Variants in SYDE1 observed in about 807,000 individuals in gnomAD.
The protein encoded by SYDE1 is synapse defective Rho GTPase activating protein 1, also known as rho GTPase-activating protein SYDE1.
In SYDE1, 34 loss-of-function variants were observed where a neutral mutation model predicts 63.3. That is an observed-to-expected ratio of 0.54 (90% CI 0.41 to 0.71). SYDE1 has a LOEUF of 0.71. Ranked by LOEUF, SYDE1 falls within the 30% of genes least tolerant of loss-of-function variation. The pLI, the probability that SYDE1 is intolerant of heterozygous loss-of-function variation, is 0.00. For missense variants in SYDE1, 925 were observed against 1,042.5 expected (o/e 0.89, Z 1.55); for synonymous variants, 467 against 473.4 (o/e 0.99, Z 0.18).
chr19:15,111,415 T>TGAGG lies in SYDE1; in HGVS notation c.1393_1394insGAGG (p.Tyr465Ter), dbSNP rs1419875349. The TGAGG allele has an allele frequency of 1.2e-6, 2 of 1,613,968 alleles. No individual in the cohort carries two copies. Among genetic ancestry groups the TGAGG allele is most frequent in the African/African-American group, 2.7e-5 (2 of 74,914 alleles). On this transcript the variant is annotated stop_gained and frameshift_variant, in exon 5 of 8. Coordinates refer to ENST00000342784, the MANE Select transcript of SYDE1 (RefSeq NM_033025.6). LOFTEE classifies it high-confidence loss of function. This position sits in a 1 kb window ranked among gnomAD's most constrained non-coding sequence, Gnocchi z 5.5. ...AGCGGTCTGCCTATCTGAGGACCTGTACCCCGATATCAATGTCATCACTGG... is the reference window on the plus strand; with the variant it reads ...AGCGGTCTGCCTATCTGAGGACCTGTGAGGACCCCGATATCAATGTCATCACTGG...
chr19:15,113,720 G>T lies in SYDE1; in HGVS notation c.1965G>T (p.Trp655Cys). The T allele has an allele frequency of 6.2e-7, 1 of 1,613,692 alleles. No individual in the cohort carries two copies. The highest frequency in any genetic ancestry group is 8.5e-7 in the Non-Finnish European group (1 of 1,179,854). The change falls in exon 8 of 8, where the codon TGG becomes TGT. Residue 655 changes from tryptophan to cysteine, a missense_variant. Coordinates refer to ENST00000342784, the MANE Select transcript of SYDE1 (RefSeq NM_033025.6). ...SPPSNRYAGD[W>C]SVCGRDFLPC... is the part of the protein sequence containing the mutation. ...CGAGCAACCGCTACGCCGGCGACTGGAGCGTTTGCGGGCGGGACTTCCTGC... is the reference window on the plus strand; with the variant it reads ...CGAGCAACCGCTACGCCGGCGACTGTAGCGTTTGCGGGCGGGACTTCCTGC...
Position 15,111,166 on chromosome 19 carries a change from A to T in SYDE1, c.1291-147A>T. On this transcript the variant is annotated intron_variant, in intron 4 of 7. Transcript: ENST00000342784. This position sits in a 1 kb window ranked among gnomAD's most constrained non-coding sequence, Gnocchi z 5.5. ...GACAAGTAGTCCAAGCAGAGGGTTTACAAGGCCAGGTTGTCAAGGTAGTTC... is the reference window on the plus strand; with the variant it reads ...GACAAGTAGTCCAAGCAGAGGGTTTTCAAGGCCAGGTTGTCAAGGTAGTTC... 1 of 818,458 alleles carries T rather than the reference A, an allele frequency of 1.2e-6. No homozygotes were observed. The highest frequency in any genetic ancestry group is 1.9e-6 in the Non-Finnish European group (1 of 516,250). 50.7% of individuals were successfully genotyped at this position (818,458 alleles called of 1,614,324 possible). A position where few individuals can be genotyped will look rare whatever the true frequency, so the allele number is the denominator to read the frequency against.
Position 15,110,450 on chromosome 19 carries a change from G to A in SYDE1, c.1076-71G>A. The A allele has an allele frequency of 6.7e-7, 1 of 1,501,474 alleles. No homozygotes were observed. Among genetic ancestry groups the A allele is most frequent in the South Asian group, 1.2e-5 (1 of 80,532 alleles). The allele number at this position is 1,501,474 out of a possible 1,614,324, so 93.0% of individuals were successfully genotyped here. On this transcript the variant is annotated intron_variant, in intron 3 of 7. Transcript: ENST00000342784. This position sits in a 1 kb window ranked among gnomAD's most constrained non-coding sequence, Gnocchi z 6.9. ...GGCTGGGCTCCGGGCGGAAGGTGTGGCCTGGAGCAGCGAGGCCAGGGTACA... is the reference window on the plus strand; with the variant it reads ...GGCTGGGCTCCGGGCGGAAGGTGTGACCTGGAGCAGCGAGGCCAGGGTACA...
chr19:15,107,625 C>G, intron 1 of SYDE1, 104 bp downstream of exon 1: 2 of 698,192 alleles, frequency 2.9e-6, no homozygotes, highest in South Asian at 1.7e-5. Context: ...CAGGGGGAGC[C>G]CCCCGCACCC....
rs1220516882 is a variant in SYDE1 at position 15,109,964 on chromosome 19, A to G, written c.691A>G (p.Ser231Gly). 2.6e-5 allele frequency: 39 copies of G among 1,476,578 alleles called. No individual in the cohort carries two copies. The Admixed American group carries it at 9.4e-4, about 36-fold the overall frequency. The allele number at this position is 1,476,578 out of a possible 1,614,324, so 91.5% of individuals were successfully genotyped here. The change falls in exon 3 of 8, where the codon AGC (serine) becomes GGC (glycine). Residue 231 changes from serine to glycine, a missense_variant. Ser to Gly is a moderately conservative substitution (Grantham distance 56). Coordinates refer to ENST00000342784, the MANE Select transcript of SYDE1 (RefSeq NM_033025.6). This position sits in a 1 kb window ranked among gnomAD's most constrained non-coding sequence, Gnocchi z 5.0. ...GTRSPRAGYL[S>G]DGDSPERPAG... ...CCGGAGCCCGAGGGCCGGTTACCTC[A>G]GCGACGGGGACTCACCGGAGCGCCC...
rs1378823314 is a variant in SYDE1, at chr19:15,114,970, C to A, written c.*1007C>A. The A allele has an allele frequency of 5.7e-6, 3 of 526,862 alleles. No individual in the cohort carries two copies. The highest frequency in any genetic ancestry group is 6.4e-5 in the Admixed American group (2 of 31,218). The allele number at this position is 526,862 out of a possible 1,614,324, so 32.6% of individuals were successfully genotyped here. ...TTTGTGGATAATAAATAAATATGCA[C>A]AGGTTCTGAGACTGAGTACTTGGGC... On this transcript the variant is annotated 3_prime_UTR_variant, in exon 8 of 8. Transcript: ENST00000342784.
Position 15,109,876 on chromosome 19 carries a change from C to A in SYDE1, c.603C>A (p.Ile201=). The A allele has an allele frequency of 6.6e-7, 1 of 1,521,380 alleles. No homozygotes were observed. Among genetic ancestry groups the A allele is most frequent in the Non-Finnish European group, 8.8e-7 (1 of 1,138,746 alleles). 94.2% of individuals were successfully genotyped at this position (1,521,380 alleles called of 1,614,324 possible). The change falls in exon 3 of 8, where the codon ATC becomes ATA. Residue 201 remains isoleucine (I), a synonymous_variant. Coordinates refer to ENST00000342784, the MANE Select transcript of SYDE1 (RefSeq NM_033025.6). The surrounding 1 kb of genome is among the most constrained non-coding windows in gnomAD (Gnocchi z 5.0). Reference sequence around the variant, plus strand: ...GGGCTGCCCCTGCGGGCTCCGTCATCAGCCGCTACCACCTGGACAGCAGCG... The same window carrying A: ...GGGCTGCCCCTGCGGGCTCCGTCATAAGCCGCTACCACCTGGACAGCAGCG... ...RERAAPAGSV[I]SRYHLDSSVG... is the part of the protein sequence containing the mutation.
chr19:15,108,020 T>C lies in SYDE1; in HGVS notation c.88+499T>C, dbSNP rs1199269768. On this transcript the variant is annotated intron_variant, in intron 1 of 7. Coordinates refer to ENST00000342784, the MANE Select transcript of SYDE1 (RefSeq NM_033025.6). The surrounding 1 kb of genome is among the most constrained non-coding windows in gnomAD (Gnocchi z 4.3). ...AACAGTGACGGCAACTGCGCCTGCCTTAGCCCCAGGAAACTGTCCCTTTTA... is the reference window on the plus strand; with the variant it reads ...AACAGTGACGGCAACTGCGCCTGCCCTAGCCCCAGGAAACTGTCCCTTTTA... Among the ~76,000 whole-genome samples, 1 of 152,182 alleles carries C rather than the reference T, an allele frequency of 6.6e-6. No individual in the cohort carries two copies. The highest frequency in any genetic ancestry group is 6.5e-5 in the Admixed American group (1 of 15,286).
In SYDE1 at chr19:15,114,258, C is replaced by T. The variant is rs529561957; in HGVS notation, c.*295C>T. ...TTTGTTGCCAAAAAGGTAGTTCTCG[C>T]GCTTGCTAGGCTGGCCTCTCTTGCC... On this transcript the variant is annotated 3_prime_UTR_variant, in exon 8 of 8. Coordinates refer to ENST00000342784, the MANE Select transcript of SYDE1 (RefSeq NM_033025.6). The T allele has an allele frequency of 5.0e-4, 199 of 397,566 alleles. No individual in the cohort carries two copies. The highest frequency in any genetic ancestry group is 5.9e-5 in the Non-Finnish European group (13 of 218,830). The allele number at this position is 397,566 out of a possible 1,614,324, so 24.6% of individuals were successfully genotyped here.
Position 15,109,484 on chromosome 19 carries a change from C to T in SYDE1, c.430+87C>T, listed in dbSNP as rs56153523. On this transcript the variant is annotated intron_variant, in intron 2 of 7. Transcript: ENST00000342784. This position sits in a 1 kb window ranked among gnomAD's most constrained non-coding sequence, Gnocchi z 5.0. ...CAGGGTAGCACCAGCCTCACACTCCCTCCTCCCAGAGGAGCACCAACCTCA... is the reference window on the plus strand; with the variant it reads ...CAGGGTAGCACCAGCCTCACACTCCTTCCTCCCAGAGGAGCACCAACCTCA... 294,655 of 1,407,586 alleles carry T rather than the reference C, an allele frequency of 0.21. 33,297 individuals are homozygous for T. Among genetic ancestry groups the T allele is most frequent in the East Asian group, 0.35 (13,784 of 39,754 alleles). The allele number at this position is 1,407,586 out of a possible 1,614,324, so 87.2% of individuals were successfully genotyped here.
In SYDE1 at chr19:15,113,665, C is replaced by T; in HGVS notation, c.1910C>T (p.Pro637Leu). ...GCAGACCCCGAAGTGGTGACTCGGC[C>T]CCGCGGTCGAGGAGGCCCCGAAAGC... ...PLADPEVVTR[P>L]RGRGGPESPP... Residue 637 changes from proline (P) to leucine (L), a missense_variant, in exon 8 of 8, where the codon CCC becomes CTC. Physicochemically the swap from Pro to Leu is moderately conservative, Grantham distance 98. This residue lies in a region of SYDE1 where 255 missense variants were observed against 255.9 expected (regional missense o/e 1.00). Transcript: ENST00000342784. 1 of 1,613,230 alleles carries T rather than the reference C, an allele frequency of 6.2e-7. No individual in the cohort carries two copies. The highest frequency in any genetic ancestry group is 8.5e-7 in the Non-Finnish European group (1 of 1,179,782).
Position 15,108,817 on chromosome 19 carries a change from C to A in SYDE1, c.89-239C>A. ...AGCCTGACTTAGAACCCTGAGGCTG[C>A]AGGGATGGAGTCCCCTTTTGGGATG... On this transcript the variant is annotated intron_variant, in intron 1 of 7. Transcript: ENST00000342784. The surrounding 1 kb of genome is among the most constrained non-coding windows in gnomAD (Gnocchi z 4.3). 1 of 484,324 alleles carries A rather than the reference C, an allele frequency of 2.1e-6. No homozygotes were observed. The highest frequency in any genetic ancestry group is 3.4e-6 in the Non-Finnish European group (1 of 295,374). 30.0% of individuals were successfully genotyped at this position (484,324 alleles called of 1,614,324 possible). A position where few individuals can be genotyped will look rare whatever the true frequency, so the allele number is the denominator to read the frequency against.
rs199923968 is a variant in SYDE1 at position 15,109,209 on chromosome 19, G to A, written c.242G>A (p.Arg81His). The A allele has an allele frequency of 8.3e-6, 13 of 1,570,038 alleles. No individual in the cohort carries two copies. Among genetic ancestry groups the A allele is most frequent in the East Asian group, 4.7e-5 (2 of 42,750 alleles). Reference protein sequence around the residue: ...AYLQSLEPSSRRWVLGGAKPA... With the variant: ...AYLQSLEPSSHRWVLGGAKPA... ...CTGCAAAGCCTGGAGCCCAGTAGCC[G>A]CCGATGGGTGCTGGGTGGGGCCAAG... Residue 81 changes from arginine (R) to histidine (H), a missense_variant, in exon 2 of 8, where the codon CGC becomes CAC. Physicochemically the swap from Arg to His is conservative, Grantham distance 29. Transcript: ENST00000342784. This position sits in a 1 kb window ranked among gnomAD's most constrained non-coding sequence, Gnocchi z 5.0.
Position 15,113,714 on chromosome 19 carries a change from C to G in SYDE1, c.1959C>G (p.Gly653=). 1.2e-6 allele frequency: 2 copies of G among 1,613,546 alleles called. No homozygotes were observed. Among genetic ancestry groups the G allele is most frequent in the Non-Finnish European group, 1.7e-6 (2 of 1,179,832 alleles). ...PESPPSNRYA[G]DWSVCGRDFL... ...GCCCCCCGAGCAACCGCTACGCCGG[C>G]GACTGGAGCGTTTGCGGGCGGGACT... The change falls in exon 8 of 8, where the codon GGC becomes GGG. Residue 653 remains glycine, a synonymous_variant. Coordinates refer to ENST00000342784, the MANE Select transcript of SYDE1 (RefSeq NM_033025.6).
chr19:15,110,870 C>A lies in SYDE1; in HGVS notation c.1290+135C>A. The A allele has an allele frequency of 2.6e-6, 2 of 767,312 alleles. No individual in the cohort carries two copies. Among genetic ancestry groups the A allele is most frequent in the Non-Finnish European group, 4.1e-6 (2 of 492,992 alleles). The allele number at this position is 767,312 out of a possible 1,614,324, so 47.5% of individuals were successfully genotyped here. A position where few individuals can be genotyped will look rare whatever the true frequency, so the allele number is the denominator to read the frequency against. ...GCTCCAATCCCAACCTAGACAAGGGCAGAAGGCGCCCCCTTGACTGTAGCA... is the reference window on the plus strand; with the variant it reads ...GCTCCAATCCCAACCTAGACAAGGGAAGAAGGCGCCCCCTTGACTGTAGCA... On this transcript the variant is annotated intron_variant, in intron 4 of 7. Coordinates refer to ENST00000342784, the MANE Select transcript of SYDE1 (RefSeq NM_033025.6). The surrounding 1 kb of genome is among the most constrained non-coding windows in gnomAD (Gnocchi z 6.9).
intron 7 of SYDE1, among the ~76,000 whole-genome samples, chr19:15,112,840 T>C (rs1208709194): frequency 1.3e-5 from 2 of 152,218 alleles, no homozygotes; most frequent in Non-Finnish European, 2.9e-5. Flanking sequence ...CGCCTCAGCC[T>C]CCCAAAGTAC....
At position 15,111,432 on chromosome 19, in the gene SYDE1, C is replaced by T. The variant is rs777272628; in HGVS notation, c.1410C>T (p.Val470=). The change falls in exon 5 of 8, where the codon GTC becomes GTT. Residue 470 remains valine, a synonymous_variant. Transcript: ENST00000342784. This position sits in a 1 kb window ranked among gnomAD's most constrained non-coding sequence, Gnocchi z 5.5. ...AGGACCTGTACCCCGATATCAATGT[C>T]ATCACTGGTCAGCATGGCCCCCTCT... is the stretch of plus-strand genomic sequence containing the variant. ...LSEDLYPDIN[V]ITGILKDYLR... 3.7e-6 allele frequency: 6 copies of T among 1,614,012 alleles called. No homozygotes were observed. The highest frequency in any genetic ancestry group is 5.1e-6 in the Non-Finnish European group (6 of 1,179,928).
In SYDE1 at chr19:15,109,167, C is replaced by T; in HGVS notation, c.200C>T (p.Pro67Leu). ...TCCAGCCCCGAGGCATCAAGGAGCC[C>T]TGCACGGGGAGCCTACCTGCAAAGC... ...GPSSPEASRS[P>L]ARGAYLQSLE... The change falls in exon 2 of 8, where the codon CCT becomes CTT. Residue 67 changes from proline to leucine, a missense_variant. By Grantham distance (98) the Pro-to-Leu change is moderately conservative (BLOSUM62 -3). This residue lies in a region of SYDE1 where 599 missense variants were observed against 653.7 expected (regional missense o/e 0.92). Transcript: ENST00000342784. The surrounding 1 kb of genome is among the most constrained non-coding windows in gnomAD (Gnocchi z 5.0). 1 of 1,554,228 alleles carries T rather than the reference C, an allele frequency of 6.4e-7. No homozygotes were observed. The highest frequency in any genetic ancestry group is 8.7e-7 in the Non-Finnish European group (1 of 1,148,392).
Position 15,109,375 on chromosome 19 carries a change from G to C in SYDE1, c.408G>C (p.Glu136Asp). ...EPPGPQPGSA[E>D]SEGLAPQGAA... Reference sequence around the variant, plus strand: ...CGGGGCCACAGCCTGGCTCAGCTGAGTCAGAGGGCCTGGCCCCCCAAGGTA... The same window carrying C: ...CGGGGCCACAGCCTGGCTCAGCTGACTCAGAGGGCCTGGCCCCCCAAGGTA... The change falls in exon 2 of 8, where the codon GAG (glutamate) becomes GAC (aspartate). Residue 136 changes from glutamate (E) to aspartate (D), a missense_variant. Transcript: ENST00000342784. The surrounding 1 kb of genome is among the most constrained non-coding windows in gnomAD (Gnocchi z 5.0). The C allele has an allele frequency of 1.3e-6, 2 of 1,562,976 alleles. No homozygotes were observed. The highest frequency in any genetic ancestry group is 1.7e-4 in the Middle Eastern group (1 of 5,790).
Sources: allele counts gnomAD v4.1 joint callset (sites outside exome capture counted in the v4.1 genomes callset), GRCh38; gene constraint gnomAD v4.1.1; regional missense constraint gnomAD v4.1.1; non-coding constraint Gnocchi (gnomAD v3.1); transcripts MANE v1.5; gene names NCBI Gene and HGNC (gene_info 2026-07-23, HGNC 2026-07-21).